NPL: variants seen among roughly 807,000 people sequenced by gnomAD.
The protein encoded by NPL is N-acetylneuraminate lyase.
NPL carries 32 observed loss-of-function variants against 41.1 expected under a neutral mutation model. The observed-to-expected ratio is 0.78, with a 90% CI of 0.59 to 1.05. NPL has a LOEUF of 1.05. NPL is among the 50% of genes least tolerant of loss of function. NPL has a pLI of 0.00. For synonymous variants in NPL, 128 were observed against 134.9 expected (o/e 0.95, Z 0.35); for missense variants, 321 against 378.4 (o/e 0.85, Z 1.26).
intron 8 of NPL, among the ~76,000 whole-genome samples, chr1:182,817,819 G>A (rs750313187): frequency 6.6e-6 from 1 of 152,224 alleles, no homozygotes; most frequent in African/African-American, 2.4e-5. Context: ...GGAGTTTCAC[G>A]CCCTCTCTGA....
chr1:182,829,323 C>T lies in NPL; in HGVS notation c.*415C>T, dbSNP rs182969286. On this transcript the variant is annotated 3_prime_UTR_variant, in exon 13 of 13. Coordinates refer to ENST00000367553, the MANE Select transcript of NPL (RefSeq NM_030769.3). The stretch of plus-strand genomic sequence containing the variant: ...AATATTCATTTGGAATCTAGGAAAA[C>T]TCTGAGCTACTGCATTTAGGCAGGC... The T allele has an allele frequency of 2.5e-6, 3 of 1,214,820 alleles. No homozygotes were observed. In the Admixed American group the frequency reaches 1.2e-4, roughly 50 times the overall value. The allele number at this position is 1,214,820 out of a possible 1,614,324, so 75.3% of individuals were successfully genotyped here. A position where few individuals can be genotyped will look rare whatever the true frequency, so the allele number is the denominator to read the frequency against.
At chr1:182,798,594 C>A (rs1666743939) in intron 3 of NPL, among the ~76,000 whole-genome samples, 1 of 152,106 alleles carries the variant, frequency 6.6e-6, no homozygotes, top group Non-Finnish European at 1.5e-5. Flanking sequence ...GTCATTAGAC[C>A]AGAAAGTCCA....
At chr1:182,803,304 G>A (rs1234608288) in intron 3 of NPL, among the ~76,000 whole-genome samples, 1 of 152,200 alleles carries the variant, frequency 6.6e-6, no homozygotes, top group Non-Finnish European at 1.5e-5. Context: ...CAAATGTTAA[G>A]TTCTCATTTA....
chr1:182,791,236 T>C (rs1384120587), intron 1 of NPL: 1 of 152,170 alleles, frequency 6.6e-6, no homozygotes, highest in Non-Finnish European at 1.5e-5. Context: ...TTTGTTTGTT[T>C]TTGTTTTTAA....
At chr1:182,812,030 T>C in intron 5 of NPL, 126 bp from the exon 6 acceptor site, 1 of 854,694 alleles carries the variant, frequency 1.2e-6, no homozygotes, top group Non-Finnish European at 2.0e-6. Context: ...TATATTGCTA[T>C]AGAACTTAAT....
chr1:182,803,584 T>G, intron 3 of NPL, 114 bp from the exon 4 acceptor site: 1 of 747,978 alleles, frequency 1.3e-6, no homozygotes. Context: ...ATTTCACAAA[T>G]TGAGTGGATT....
intron 10 of NPL, among the ~76,000 whole-genome samples, chr1:182,820,735 A>G (rs1013464751): frequency 7.9e-5 from 12 of 152,306 alleles, no homozygotes; most frequent in Admixed American, 3.9e-4. Context: ...AGAACTCACT[A>G]TCGCGACAAC....
chr1:182,791,636 T>A (rs1666519636), intron 1 of NPL, among the ~76,000 whole-genome samples: 1 of 152,218 alleles, frequency 6.6e-6, no homozygotes, highest in African/African-American at 2.4e-5. Flanking sequence ...AAACTACATT[T>A]GTGGTAATTA....
chr1:182,795,508 A>G (rs1437191337), intron 3 of NPL, among the ~76,000 whole-genome samples: 1 of 152,106 alleles, frequency 6.6e-6, no homozygotes, highest in East Asian at 1.9e-4. Flanking sequence ...TACCCTTTTA[A>G]AGGAGATGAA....
At position 182,829,592 on chromosome 1, in the gene NPL, T is replaced by C. The variant is rs879806034; in HGVS notation, c.*684T>C. ...AAAGATGAATTTAAGTCTCCACTTT[T>C]TTCTATACAGAAAACTCAAAACTCA... On this transcript the variant is annotated 3_prime_UTR_variant, in exon 13 of 13. Transcript: ENST00000367553. The C allele has an allele frequency of 9.0e-6, 14 of 1,548,750 alleles. No individual in the cohort carries two copies. In the Admixed American group the frequency reaches 2.2e-4, roughly 24 times the overall value.
intron 3 of NPL, among the ~76,000 whole-genome samples, chr1:182,800,274 A>G (rs1666800471): frequency 6.6e-6 from 1 of 151,874 alleles, no homozygotes; most frequent in Non-Finnish European, 1.5e-5. Flanking sequence ...TGTCTCTACA[A>G]AAAATACAAA....
rs540668448 is a variant in NPL, at chr1:182,814,486, C to T, written c.289-297C>T. Reference sequence around the variant, plus strand: ...ACAGAAATTACATGAGCAGATATCTCGATTAACTGTTATAACTTATCAAAA... The same window carrying T: ...ACAGAAATTACATGAGCAGATATCTTGATTAACTGTTATAACTTATCAAAA... On this transcript the variant is annotated intron_variant, in intron 6 of 12. Transcript: ENST00000367553. Among the ~76,000 whole-genome samples the T allele has an allele frequency of 1.2e-4, 19 of 152,268 alleles. No homozygotes were observed. The East Asian group carries it at 3.5e-3, about 28-fold the overall frequency.
At chr1:182,806,055 G>A (rs1666998193) in intron 4 of NPL, 90 bp from the exon 5 acceptor site, 1 of 1,461,158 alleles carries the variant, frequency 6.8e-7, no homozygotes, top group South Asian at 1.2e-5. Flanking sequence ...CATCCTCAGT[G>A]CAGTGGTTTC....
chr1:182,806,791 A>T (rs1395020274), intron 5 of NPL, among the ~76,000 whole-genome samples: 2 of 152,144 alleles, frequency 1.3e-5, no homozygotes, highest in East Asian at 3.8e-4. Context: ...AACAAACAGG[A>T]TAGTATCAGT....
intron 10 of NPL, among the ~76,000 whole-genome samples, chr1:182,819,189 G>T (rs1268529758): frequency 6.6e-6 from 1 of 152,168 alleles, no homozygotes; most frequent in Non-Finnish European, 1.5e-5. Context: ...GGGCACAGTG[G>T]CTCACGCCTG....
chr1:182,820,064 A>G (rs962750647), intron 10 of NPL, among the ~76,000 whole-genome samples: 1 of 152,180 alleles, frequency 6.6e-6, no homozygotes, highest in African/African-American at 2.4e-5. Flanking sequence ...CTCTCTCTGT[A>G]TCCAGATGGG....
chr1:182,826,103 A>G (rs1667624361), intron 12 of NPL: 1 of 512,208 alleles, frequency 2.0e-6, no homozygotes, highest in Non-Finnish European at 3.5e-6. Context: ...GCTTCAGCTC[A>G]TTAAAATTCT....
chr1:182,825,704 G>A, intron 11 of NPL, 77 bp from the exon 12 acceptor site: 2 of 1,034,962 alleles, frequency 1.9e-6, no homozygotes, highest in Non-Finnish European at 1.5e-6. Context: ...TAGGGTTTCT[G>A]TAATTTGACT....
intron 5 of NPL, chr1:182,809,069 A>G: frequency 3.9e-6 from 1 of 254,582 alleles, no homozygotes; most frequent in Admixed American, 4.9e-5. Context: ...TGATGACAGC[A>G]TTACATCCTG....
Sources: allele counts gnomAD v4.1 joint callset (sites outside exome capture counted in the v4.1 genomes callset), GRCh38; gene constraint gnomAD v4.1.1; transcripts MANE v1.5; gene names NCBI Gene and HGNC (gene_info 2026-07-23, HGNC 2026-07-21).